The following FGGY variants were observed in gnomAD, a reference collection of about 807,000 sequenced individuals.
FGGY encodes the protein FGGY carbohydrate kinase domain containing.
Under a neutral mutation model 71.3 loss-of-function variants are expected in FGGY, and 72 were observed. The ratio of observed to expected loss-of-function variants is 1.01; its 90% CI spans 0.84 to 1.23. The LOEUF (loss-of-function observed/expected upper bound fraction) is 1.23. Ranked by LOEUF, FGGY falls within the 50% of genes most tolerant of loss-of-function variation. The pLI is 0.00. For synonymous variants in FGGY, 251 were observed against 250.3 expected (o/e 1.00, Z -0.02); for missense variants, 668 against 682.3 (o/e 0.98, Z 0.23).
Position 59,585,995 on chromosome 1 carries a change from A to C in FGGY, c.904-21808A>C, listed in dbSNP as rs192364025. On this transcript the variant is annotated intron_variant, in intron 8 of 15. Coordinates refer to ENST00000303721, the MANE Select transcript of FGGY (RefSeq NM_018291.5). ...TCTCACACCAGTTAGAATGCCAATC[A>C]TTAAACAGGAAACAACAGATGCTGG... is the stretch of plus-strand genomic sequence containing the variant. Among the ~76,000 whole-genome samples, 133 of 152,360 alleles carry C rather than the reference A, an allele frequency of 8.7e-4. 1 individual carries two copies. Among genetic ancestry groups the C allele is most frequent in the African/African-American group, 3.1e-3 (128 of 41,588 alleles).
chr1:59,496,553 GA>G (rs1036905651), intron 6 of FGGY, among the ~76,000 whole-genome samples: 48 of 152,140 alleles, frequency 3.2e-4, no homozygotes, highest in African/African-American at 1.0e-3. Context: ...AGAGGGTGAG[GA>G]TCGAAAAACT....
chr1:59,329,294 G>A (rs2048005518), intron 2 of FGGY, among the ~76,000 whole-genome samples: 1 of 150,304 alleles, frequency 6.7e-6, no homozygotes, highest in African/African-American at 2.5e-5. Context: ...TCTATTAAGT[G>A]TGCAATAGCA....
At chr1:59,634,514 C>T (rs1057478395) in intron 10 of FGGY, among the ~76,000 whole-genome samples, 1 of 151,922 alleles carries the variant, frequency 6.6e-6, no homozygotes, top group African/African-American at 2.4e-5. Flanking sequence ...TTTGTTATAC[C>T]ATGTATTCTG....
intron 5 of FGGY, among the ~76,000 whole-genome samples, chr1:59,453,188 G>T (rs1233162255): frequency 6.6e-6 from 1 of 152,148 alleles, no homozygotes; most frequent in Non-Finnish European, 1.5e-5. Flanking sequence ...TTGATTTAAA[G>T]AAACTCAATG....
At chr1:59,469,715 T>G (rs1223191851) in intron 6 of FGGY, among the ~76,000 whole-genome samples, 1 of 152,180 alleles carries the variant, frequency 6.6e-6, no homozygotes, top group African/African-American at 2.4e-5. Flanking sequence ...TAGTACCCGT[T>G]ATTTTTCCTG....
chr1:59,615,058 A>T (rs1332932181), intron 9 of FGGY, among the ~76,000 whole-genome samples: 1 of 152,250 alleles, frequency 6.6e-6, no homozygotes, highest in African/African-American at 2.4e-5. Context: ...CAATATCATG[A>T]AAATGGCCAC....
chr1:59,554,357 T>C, intron 8 of FGGY, 130 bp downstream of exon 8: 2 of 635,924 alleles, frequency 3.1e-6, no homozygotes, highest in Non-Finnish European at 5.2e-6. Context: ...GTGCTTTGTC[T>C]AGCCAGAAGC....
At chr1:59,758,380 T>G (rs1217550735) in intron 15 of FGGY, among the ~76,000 whole-genome samples, 1 of 152,242 alleles carries the variant, frequency 6.6e-6, no homozygotes, top group Non-Finnish European at 1.5e-5. Context: ...GGTCAGTATT[T>G]TAATCCCAAT....
At chr1:59,350,083 G>A (rs1345078378) in intron 4 of FGGY, among the ~76,000 whole-genome samples, 1 of 152,116 alleles carries the variant, frequency 6.6e-6, no homozygotes, top group East Asian at 1.9e-4. Flanking sequence ...GATAGCTTCA[G>A]TAGAGCTGCT....
intron 5 of FGGY, among the ~76,000 whole-genome samples, chr1:59,408,559 G>A (rs1336257603): frequency 4.6e-5 from 7 of 152,180 alleles, no homozygotes; most frequent in Admixed American, 3.9e-4. Flanking sequence ...GTGCACGCAT[G>A]TATATGTATA....
intron 1 of FGGY, among the ~76,000 whole-genome samples, chr1:59,306,833 T>C (rs1010637653): frequency 6.6e-6 from 1 of 152,216 alleles, no homozygotes; most frequent in South Asian, 2.1e-4. Context: ...TTGTTCAGGC[T>C]AAATATATTA....
At chr1:59,756,661 G>T (rs2098294496) in intron 14 of FGGY, among the ~76,000 whole-genome samples, 1 of 152,190 alleles carries the variant, frequency 6.6e-6, no homozygotes, top group Non-Finnish European at 1.5e-5. Context: ...CAGGTGTCGA[G>T]ACTTAGTAGT....
At chr1:59,689,704 A>T (rs1048456745) in intron 14 of FGGY, among the ~76,000 whole-genome samples, 1 of 152,320 alleles carries the variant, frequency 6.6e-6, no homozygotes, top group Admixed American at 6.5e-5. Context: ...ATAGAAGGGA[A>T]TACTCTTTAA....
At position 59,519,298 on chromosome 1, in the gene FGGY, C is replaced by T. The variant is rs187135031; in HGVS notation, c.799+6859C>T. On this transcript the variant is annotated intron_variant, in intron 7 of 15. Coordinates refer to ENST00000303721, the MANE Select transcript of FGGY (RefSeq NM_018291.5). ...AAGGAAAGTCTTTAATATTTATTGACGACCCACTTTACTAGTTCATGGGGT... is the reference window on the plus strand; with the variant it reads ...AAGGAAAGTCTTTAATATTTATTGATGACCCACTTTACTAGTTCATGGGGT... Among the ~76,000 whole-genome samples the T allele has an allele frequency of 8.5e-5, 13 of 152,266 alleles. No homozygotes were observed. The East Asian group carries it at 1.5e-3, about 18-fold the overall frequency.
intron 9 of FGGY, among the ~76,000 whole-genome samples, chr1:59,623,894 A>G (rs2096833343): frequency 1.3e-5 from 2 of 152,122 alleles, no homozygotes; most frequent in Non-Finnish European, 2.9e-5. Flanking sequence ...GTTCTAGCTC[A>G]CTCCTGGAAG....
At chr1:59,441,005 CTG>C (rs1355238045) in intron 5 of FGGY, among the ~76,000 whole-genome samples, 1 of 152,060 alleles carries the variant, frequency 6.6e-6, no homozygotes, top group Non-Finnish European at 1.5e-5. Flanking sequence ...GCGTTTTTCT[CTG>C]GTATTTATTT....
At chr1:59,591,970 A>G (rs1221885413) in intron 8 of FGGY, among the ~76,000 whole-genome samples, 1 of 152,230 alleles carries the variant, frequency 6.6e-6, no homozygotes, top group Non-Finnish European at 1.5e-5. Context: ...GCTTCTGCAC[A>G]GCAAAAGAAA....
At chr1:59,463,143 A>G (rs1262966372) in intron 6 of FGGY, among the ~76,000 whole-genome samples, 1 of 151,902 alleles carries the variant, frequency 6.6e-6, no homozygotes, top group Non-Finnish European at 1.5e-5. Context: ...ACCATGGAAT[A>G]CTATGCAGCC....
chr1:59,373,166 G>A (rs1456834097), intron 4 of FGGY, among the ~76,000 whole-genome samples: 1 of 152,034 alleles, frequency 6.6e-6, no homozygotes, highest in African/African-American at 2.4e-5. Context: ...AAACCCCATT[G>A]TCTCAGCCCA....
Sources: allele counts gnomAD v4.1 joint callset (sites outside exome capture counted in the v4.1 genomes callset), GRCh38; gene constraint gnomAD v4.1.1; transcripts MANE v1.5; gene names NCBI Gene and HGNC (gene_info 2026-07-23, HGNC 2026-07-21).